Variants in CLTRN observed in about 807,000 individuals in gnomAD.
CLTRN encodes the protein collectrin.
A neutral mutation model predicts 14.5 loss-of-function variants in CLTRN; 12 were observed. That is an observed-to-expected ratio of 0.83 (90% CI 0.53 to 1.34). The LOEUF is 1.34. Among genes scored for constraint, CLTRN ranks in the 40% most tolerant of loss-of-function variants. The pLI, the probability that CLTRN is intolerant of heterozygous loss-of-function variation, is 0.00. For synonymous variants in CLTRN, 58 were observed against 56.5 expected (o/e 1.03, Z -0.12); for missense variants, 154 against 165.1 (o/e 0.93, Z 0.37).
In CLTRN at chrX:15,635,692, T is replaced by C. The variant is rs1928801611; in HGVS notation, c.512+3870A>G. On this transcript the variant is annotated intron_variant, in intron 5 of 5. Coordinates refer to ENST00000380342, the MANE Select transcript of CLTRN (RefSeq NM_020665.6). ...ACTATAAAACTACTAGAAGAAAACA[T>C]AGGAGAAAAGCTCCATGACATTGGT... 4.5e-5 allele frequency among the ~76,000 whole-genome samples: 5 copies of C among 111,570 alleles called. No homozygotes were observed. The Middle Eastern group carries it at 0.014, about 308-fold the overall frequency.
At chrX:15,649,631 A>G (rs1260861594) in intron 3 of CLTRN, among the ~76,000 whole-genome samples, 1 of 110,855 alleles carries the variant, frequency 9.0e-6, no homozygotes, top group African/African-American at 3.3e-5. Flanking sequence ...TGTTATGGGT[A>G]ACTGTCTTGA....
At chrX:15,636,203 C>A (rs1361815170) in intron 5 of CLTRN, among the ~76,000 whole-genome samples, 1 of 112,239 alleles carries the variant, frequency 8.9e-6, no homozygotes, top group Non-Finnish European at 1.9e-5. Flanking sequence ...TGGGTATATA[C>A]CCAAAAGAAT....
chrX:15,637,767 T>C (rs1242622698), intron 5 of CLTRN, among the ~76,000 whole-genome samples: 1 of 112,425 alleles, frequency 8.9e-6, no homozygotes, highest in Non-Finnish European at 1.9e-5. Flanking sequence ...GCACTCTATG[T>C]ATTAACTCTT....
rs186073542 is a variant in CLTRN at position 15,640,185 on chromosome X, T to A, written c.318-429A>T. Among the ~76,000 whole-genome samples the A allele has an allele frequency of 1.1e-4, 12 of 112,252 alleles. No homozygotes were observed. In the East Asian group the frequency reaches 3.4e-3, roughly 31 times the overall value. On this transcript the variant is annotated intron_variant, in intron 4 of 5. Coordinates refer to ENST00000380342, the MANE Select transcript of CLTRN (RefSeq NM_020665.6). ...ATCAGACATGCCCACCAGTGTGCCA[T>A]GTCAGTTTACCATTGCCATGGCAAC...
chrX:15,644,241 C>A (rs1398425612), intron 4 of CLTRN, among the ~76,000 whole-genome samples: 1 of 111,781 alleles, frequency 8.9e-6, no homozygotes, highest in Non-Finnish European at 1.9e-5. Flanking sequence ...CTCTTACGGT[C>A]TTTGAGCTAC....
chrX:15,646,191 C>G (rs1043966247), intron 3 of CLTRN: 3 of 180,516 alleles, frequency 1.7e-5, no homozygotes, highest in Non-Finnish European at 3.2e-5. Context: ...CTGCGCGCCG[C>G]AAAGCTCTGG....
At chrX:15,631,081 A>T (rs1432581016) in intron 5 of CLTRN, among the ~76,000 whole-genome samples, 1 of 112,173 alleles carries the variant, frequency 8.9e-6, no homozygotes, top group Admixed American at 9.5e-5. Flanking sequence ...AAAGGGAAAA[A>T]TGCCATATAT....
chrX:15,644,389 T>C (rs1929010590), intron 4 of CLTRN, among the ~76,000 whole-genome samples: 1 of 111,710 alleles, frequency 9.0e-6, no homozygotes, highest in South Asian at 3.7e-4. Context: ...TGTAAATGCA[T>C]TTTGCCATTC....
chrX:15,661,534 C>T (rs1929507149), intron 2 of CLTRN, among the ~76,000 whole-genome samples: 1 of 112,190 alleles, frequency 8.9e-6, no homozygotes, highest in African/African-American at 3.2e-5. Context: ...GTATTTCTCC[C>T]AGGGCATTCA....
rs1444504816 is a variant in CLTRN, at chrX:15,655,818, C to G, written c.203+3198G>C. Among the ~76,000 whole-genome samples the G allele has an allele frequency of 2.7e-5, 3 of 111,962 alleles. No homozygotes were observed. The East Asian group carries it at 8.4e-4, about 31-fold the overall frequency. On this transcript the variant is annotated intron_variant, in intron 3 of 5. Coordinates refer to ENST00000380342, the MANE Select transcript of CLTRN (RefSeq NM_020665.6). ...TGTCTGCAAGTTGGGGAGCATCCCT[C>G]CAGAAAATATTATGCCAGTCTCCTT...
chrX:15,674,640 G>A (rs1404972210), intron 1 of CLTRN, among the ~76,000 whole-genome samples: 2 of 112,704 alleles, frequency 1.8e-5, no homozygotes, highest in Admixed American at 9.3e-5. Flanking sequence ...AGATCCGCAG[G>A]CTCATTTCAC....
intron 1 of CLTRN, among the ~76,000 whole-genome samples, chrX:15,670,518 A>G (rs1196265751): frequency 8.9e-6 from 1 of 111,969 alleles, no homozygotes; most frequent in African/African-American, 3.2e-5. Flanking sequence ...AATAATTTAT[A>G]CAATGTTTTC....
chrX:15,663,370 GC>G (rs745744541), intron 2 of CLTRN, among the ~76,000 whole-genome samples: 2 of 111,991 alleles, frequency 1.8e-5, no homozygotes, highest in Middle Eastern at 4.2e-3. Context: ...TCTTACTTCT[GC>G]CACTTGCTGA....
chrX:15,628,097 G>A lies in CLTRN; in HGVS notation c.543C>T (p.Asp181=), dbSNP rs772945496. ...TCATGTTTTCACACTTATCTTCAGC[G>A]TCATCCACTTCAGATGGTTCTTTGT... ...RKNKEPSEVD[D]AEDKCENMIT... is the part of the protein sequence containing the mutation. Residue 181 remains aspartate, a synonymous_variant, in exon 6 of 6, where the codon GAC becomes GAT. Coordinates refer to ENST00000380342, the MANE Select transcript of CLTRN (RefSeq NM_020665.6). 32 of 1,128,052 alleles carry A rather than the reference G, an allele frequency of 2.8e-5. No individual in the cohort carries two copies. Among genetic ancestry groups the A allele is most frequent in the East Asian group, 2.3e-4 (7 of 30,717 alleles). The allele number at this position is 1,128,052 out of a possible 1,213,427, so 93.0% of individuals were successfully genotyped here.
chrX:15,647,991 AATAAT>A (rs750504088), intron 3 of CLTRN, among the ~76,000 whole-genome samples: 44 of 83,861 alleles, frequency 5.2e-4, no homozygotes, highest in Non-Finnish European at 8.8e-4. Context: ...TTAAAAGTTA[AATAAT>A]ACCAAGGGCT....
At chrX:15,662,324 G>A (rs1286552371) in intron 2 of CLTRN, among the ~76,000 whole-genome samples, 2 of 110,662 alleles carry the variant, frequency 1.8e-5, no homozygotes, top group Non-Finnish European at 3.8e-5. Flanking sequence ...CCATAGACAC[G>A]TCTTAGCCGC....
intron 5 of CLTRN, 44 bp downstream of exon 5, chrX:15,639,517 GA>G (rs1339911182): frequency 9.0e-7 from 1 of 1,108,558 alleles, no homozygotes. Context: ...AAGTCATGAG[GA>G]AATAAGAAAA....
intron 3 of CLTRN, among the ~76,000 whole-genome samples, chrX:15,649,256 TG>T (rs1198790941): frequency 8.9e-6 from 1 of 112,380 alleles, no homozygotes; most frequent in Non-Finnish European, 1.9e-5. Flanking sequence ...CCCATCACTA[TG>T]GAACTATACC....
chrX:15,672,332 A>C (rs1929734930), intron 1 of CLTRN, among the ~76,000 whole-genome samples: 1 of 111,768 alleles, frequency 8.9e-6, no homozygotes, highest in Admixed American at 9.5e-5. Flanking sequence ...CTCAGGTGTA[A>C]GAGTTTTCTC....
Sources: gnomAD v4.1 joint callset for allele counts (sites outside exome capture counted in the v4.1 genomes callset) on GRCh38, gnomAD v4.1.1 for gene constraint, MANE v1.5 for transcripts, NCBI Gene and HGNC (gene_info 2026-07-23, HGNC 2026-07-21) for gene names.